Variants in FANK1 observed in about 807,000 individuals in gnomAD.
The protein encoded by FANK1 is fibronectin type III and ankyrin repeat domains 1.
In FANK1, 44 loss-of-function variants were observed where a neutral mutation model predicts 45.3. That is an observed-to-expected ratio of 0.97 (90% CI 0.76 to 1.25). The LOEUF is 1.25. Ranked by LOEUF, FANK1 falls within the 50% of genes most tolerant of loss-of-function variation. The probability of loss-of-function intolerance (pLI) is 0.00; values close to 1 mark genes in which losing one functional copy is unlikely to be tolerated. For missense variants in FANK1, 391 were observed against 424.4 expected, an observed-to-expected ratio of 0.92 and a Z score of 0.69; for synonymous variants, 149 against 152.5, an observed-to-expected ratio of 0.98 and a Z score of 0.17.
At chr10:125,928,006 G>T (rs1389720476) in intron 1 of FANK1, among the ~76,000 whole-genome samples, 1 of 152,160 alleles carries the variant, frequency 6.6e-6, no homozygotes, top group Non-Finnish European at 1.5e-5. Context: ...AGCTGTGGAT[G>T]AATGTTCCAG....
At chr10:125,973,324 T>C (rs1045816721) in intron 1 of FANK1, 2 of 510,524 alleles carry the variant, frequency 3.9e-6, no homozygotes, top group Middle Eastern at 9.9e-4. Flanking sequence ...CTTCTGGTTA[T>C]TTTGGGGGTA....
intron 1 of FANK1, among the ~76,000 whole-genome samples, chr10:125,949,111 A>C (rs537541218): frequency 1.3e-5 from 2 of 152,022 alleles, no homozygotes; most frequent in Non-Finnish European, 2.9e-5. Flanking sequence ...TATTGATGGG[A>C]TGTATTTCAA....
chr10:125,945,581 A>C (rs918733866), intron 1 of FANK1, among the ~76,000 whole-genome samples: 1 of 152,190 alleles, frequency 6.6e-6, no homozygotes, highest in African/African-American at 2.4e-5. Context: ...TATATCCCAC[A>C]CCTGGCTGGG....
intron 1 of FANK1, among the ~76,000 whole-genome samples, chr10:125,928,279 T>TA (rs1554918591): frequency 1.3e-5 from 2 of 150,622 alleles, no homozygotes; most frequent in African/African-American, 4.9e-5. Flanking sequence ...TTTTTTTTTT[T>TA]AAAGACCATG....
chr10:125,901,895 C>T (rs80336773), intron 1 of FANK1, among the ~76,000 whole-genome samples: 4 of 151,458 alleles, frequency 2.6e-5, no homozygotes, highest in Non-Finnish European at 2.9e-5. Flanking sequence ...CCAAGGCGGG[C>T]GGATCACCTG....
intron 1 of FANK1, among the ~76,000 whole-genome samples, chr10:125,928,569 A>AT (rs1396964786): frequency 6.6e-6 from 1 of 152,112 alleles, no homozygotes; most frequent in Non-Finnish European, 1.5e-5. Flanking sequence ...CCTATTCAAG[A>AT]TGGAGTTGCT....
chr10:125,900,999 G>A (rs111295361), intron 1 of FANK1, among the ~76,000 whole-genome samples: 579 of 128,644 alleles, frequency 4.5e-3, no homozygotes, highest in Middle Eastern at 8.7e-3. Flanking sequence ...AGAGAGACAG[G>A]GTCTTGCTGT....
chr10:125,966,129 G>T (rs973040404), intron 1 of FANK1, among the ~76,000 whole-genome samples: 1 of 152,068 alleles, frequency 6.6e-6, no homozygotes, highest in African/African-American at 2.4e-5. Context: ...TTGCTATTTG[G>T]TTTTTGATGT....
chr10:125,906,495 G>C (rs1589787285), intron 1 of FANK1, among the ~76,000 whole-genome samples: 1 of 113,158 alleles, frequency 8.8e-6, no homozygotes, highest in Admixed American at 1.2e-4. Context: ...CAGCCTTGGG[G>C]ACAGAGCAAG....
chr10:125,970,733 A>C (rs1166478138), intron 1 of FANK1, among the ~76,000 whole-genome samples: 1 of 152,106 alleles, frequency 6.6e-6, no homozygotes, highest in East Asian at 1.9e-4. Flanking sequence ...AGAATCAGGC[A>C]GGGAGGTTGC....
At chr10:125,934,936 C>T (rs1464096054) in intron 1 of FANK1, among the ~76,000 whole-genome samples, 2 of 152,002 alleles carry the variant, frequency 1.3e-5, no homozygotes, top group Non-Finnish European at 2.9e-5. Flanking sequence ...ATGGGCCTGG[C>T]TGAGCTGTGG....
chr10:125,970,040 A>G (rs1157388772), intron 1 of FANK1, among the ~76,000 whole-genome samples: 1 of 152,238 alleles, frequency 6.6e-6, no homozygotes, highest in Non-Finnish European at 1.5e-5. Context: ...ACACAGACAC[A>G]GTAACAATCT....
chr10:126,009,479 T>G lies in FANK1; in HGVS notation c.*41T>G. 1.9e-6 allele frequency: 3 copies of G among 1,604,022 alleles called. No individual in the cohort carries two copies. The highest frequency in any genetic ancestry group is 2.6e-6 in the Non-Finnish European group (3 of 1,173,932). ...TCTGCGAAACGCACGTAAAACAAAG[T>G]GAACCGTGACTGTTAAACTAGGGAT... On this transcript the variant is annotated 3_prime_UTR_variant, in exon 11 of 11. Transcript: ENST00000368693.
At chr10:125,971,445 A>G (rs914399472) in intron 1 of FANK1, among the ~76,000 whole-genome samples, 3 of 151,266 alleles carry the variant, frequency 2.0e-5, no homozygotes, top group Non-Finnish European at 4.4e-5. Flanking sequence ...CTTGCACACA[A>G]CATCTCTCTA....
At chr10:125,901,202 C>G (rs1945006979) in intron 1 of FANK1, among the ~76,000 whole-genome samples, 1 of 152,208 alleles carries the variant, frequency 6.6e-6, no homozygotes, top group Admixed American at 6.5e-5. Flanking sequence ...AAACCTGTTT[C>G]TCCACTAGTC....
intron 1 of FANK1, among the ~76,000 whole-genome samples, chr10:125,971,873 T>C (rs368885261): frequency 1.5e-4 from 23 of 152,272 alleles, no homozygotes; most frequent in East Asian, 1.4e-3. Context: ...TCGTCCACCT[T>C]GGCCTCCGAA....
chr10:125,946,296 G>A (rs1056524273), intron 1 of FANK1, among the ~76,000 whole-genome samples: 8 of 149,842 alleles, frequency 5.3e-5, no homozygotes, highest in South Asian at 2.1e-4. Context: ...GGCTTCAGAC[G>A]ATCAAATTAC....
chr10:125,981,496 C>CAAAAAAAAAAA (rs60627576), intron 2 of FANK1, among the ~76,000 whole-genome samples: 1 of 117,322 alleles, frequency 8.5e-6, no homozygotes, highest in African/African-American at 3.4e-5. Flanking sequence ...GACCCTGTCT[C>CAAAAAAAAAAA]AAAAAAAAAA....
intron 1 of FANK1, chr10:125,972,300 T>C (rs900183586): frequency 6.6e-6 from 1 of 152,208 alleles, no homozygotes; most frequent in African/African-American, 2.4e-5. Context: ...GCCCCGGGCC[T>C]CTGCTCCATT....
Sources: allele counts gnomAD v4.1 joint callset (sites outside exome capture counted in the v4.1 genomes callset), GRCh38; gene constraint gnomAD v4.1.1; transcripts MANE v1.5; gene names NCBI Gene and HGNC (gene_info 2026-07-23, HGNC 2026-07-21).